RGS3: variants seen among roughly 807,000 people sequenced by gnomAD.
RGS3 encodes regulator of G protein signaling 3.
A neutral mutation model predicts 132.6 loss-of-function variants in RGS3; 80 were observed. That is an observed-to-expected ratio of 0.60 (90% confidence interval 0.50 to 0.73). The LOEUF (loss-of-function observed/expected upper bound fraction) is 0.73. Ranked by LOEUF, RGS3 falls within the 30% of genes least tolerant of loss-of-function variation. The pLI is 0.00. For missense variants in RGS3, 1,382 were observed against 1,530.8 expected, an observed-to-expected ratio of 0.90 and a Z score of 1.62; for synonymous variants, 598 against 620.6, an observed-to-expected ratio of 0.96 and a Z score of 0.54.
At chr9:113,585,387 C>T (rs1835067178) in intron 20 of RGS3, among the ~76,000 whole-genome samples, 1 of 152,268 alleles carries the variant, frequency 6.6e-6, no homozygotes. Flanking sequence ...TGCCTGATAA[C>T]ACTAGCCGCT....
chr9:113,498,036 A>C lies in RGS3; in HGVS notation c.853A>C (p.Arg285=), dbSNP rs755577560. The C allele has an allele frequency of 1.4e-5, 23 of 1,614,072 alleles. 1 individual carries two copies. In the Middle Eastern group the frequency reaches 1.3e-3, roughly 93 times the overall value. ...CTGTCACCTTCCAGACCCGCTGCTG[A>C]GAATGCCAGGAGGTGGGGACACTGA... Residue 285 remains arginine (R), a synonymous_variant, in exon 10 of 25, where the codon AGA becomes CGA. Transcript: ENST00000350696.
At chr9:113,491,068 A>G (rs1342499318) in intron 7 of RGS3, among the ~76,000 whole-genome samples, 4 of 139,606 alleles carry the variant, frequency 2.9e-5, no homozygotes, top group African/African-American at 1.1e-4. Flanking sequence ...ATAATTATAT[A>G]TTGGTATATA....
chr9:113,544,906 G>T (rs940846005), intron 19 of RGS3, among the ~76,000 whole-genome samples: 1 of 152,226 alleles, frequency 6.6e-6, no homozygotes, highest in Non-Finnish European at 1.5e-5. Flanking sequence ...CATGTCAGAA[G>T]CTGTGGCCCA....
At position 113,504,189 on chromosome 9, in the gene RGS3, C is replaced by G. The variant is rs554903192; in HGVS notation, c.898-1253C>G. Among the ~76,000 whole-genome samples, 7 of 152,238 alleles carry G rather than the reference C, an allele frequency of 4.6e-5. No individual in the cohort carries two copies. In the South Asian group the frequency reaches 1.5e-3, roughly 32 times the overall value. ...GAATGAGTGCAGGTGCCTAGTCTTG[C>G]AGGGACAACCCTCAAAGGAAGGAGA... On this transcript the variant is annotated intron_variant, in intron 10 of 24. Coordinates refer to ENST00000350696, the Ensembl canonical transcript of RGS3.
intron 3 of RGS3, among the ~76,000 whole-genome samples, chr9:113,473,299 G>A (rs537428809): frequency 1.5e-4 from 23 of 152,320 alleles, no homozygotes; most frequent in African/African-American, 5.5e-4. Flanking sequence ...GGTATAGAGA[G>A]GCTAACAGTG....
chr9:113,462,128 G>T, exon 3 of RGS3: 2 of 1,614,146 alleles, frequency 1.2e-6, no homozygotes, highest in Non-Finnish European at 1.7e-6. Context: ...ATATCGCTCT[G>T]CCCAGAAGAG....
At chr9:113,474,725 C>G (rs145889799) in intron 3 of RGS3, among the ~76,000 whole-genome samples, 2 of 152,268 alleles carry the variant, frequency 1.3e-5, no homozygotes, top group African/African-American at 4.8e-5. Flanking sequence ...TGTGACAGTT[C>G]TTAAATGGGC....
At chr9:113,461,898 C>T in intron 2 of RGS3, 2 of 1,604,054 alleles carry the variant, frequency 1.2e-6, no homozygotes, top group South Asian at 1.1e-5. Flanking sequence ...TCCCTTTTCC[C>T]TGTGGGCCTT....
intron 19 of RGS3, among the ~76,000 whole-genome samples, chr9:113,547,690 G>A (rs1238949341): frequency 2.0e-5 from 3 of 152,130 alleles, no homozygotes; most frequent in South Asian, 2.1e-4. Flanking sequence ...GCTAATTTCC[G>A]CGTGGAATTT....
Position 113,464,000 on chromosome 9 carries a change from A to G in RGS3, c.415+1799A>G, listed in dbSNP as rs1829547822. ...GCAGGTGCTCTTTCTATCTAGGGGC[A>G]CCTTCTCTGGCCCCTTTCTCCTGTG... On this transcript the variant is annotated intron_variant, in intron 3 of 24. Transcript: ENST00000350696. The surrounding 1 kb of genome is among the most constrained non-coding windows in gnomAD (Gnocchi z 4.6). 2.9e-6 allele frequency: 3 copies of G among 1,023,052 alleles called. No homozygotes were observed. Among genetic ancestry groups the G allele is most frequent in the Non-Finnish European group, 4.3e-6 (3 of 699,164 alleles). The allele number at this position is 1,023,052 out of a possible 1,614,324, so 63.4% of individuals were successfully genotyped here. A position where few individuals can be genotyped will look rare whatever the true frequency, so the allele number is the denominator to read the frequency against.
In RGS3 at chr9:113,507,908, C is replaced by A. The variant is rs1234327902; in HGVS notation, c.1437+270C>A. 6.6e-6 allele frequency among the ~76,000 whole-genome samples: 1 copy of A among 152,160 alleles called. No individual in the cohort carries two copies. On this transcript the variant is annotated intron_variant, in intron 13 of 24. Transcript: ENST00000350696. This position sits in a 1 kb window ranked among gnomAD's most constrained non-coding sequence, Gnocchi z 5.0. ...CACAGAAGGAAGAGCTTTCTACTAG[C>A]CTGTGCTTTTCCCCAGTGGAATGGG...
intron 19 of RGS3, among the ~76,000 whole-genome samples, chr9:113,546,419 T>C (rs1410109452): frequency 6.6e-6 from 1 of 152,242 alleles, no homozygotes; most frequent in Non-Finnish European, 1.5e-5. Flanking sequence ...GTAGATGTTA[T>C]ATTTTATTTG....
At chr9:113,528,546 C>A (rs55805468) in intron 17 of RGS3, among the ~76,000 whole-genome samples, 1 of 152,182 alleles carries the variant, frequency 6.6e-6, no homozygotes, top group Non-Finnish European at 1.5e-5. Flanking sequence ...AATCACCTTC[C>A]CTCGGCGTTG....
chr9:113,583,525 C>T, exon 20 of RGS3: 1 of 1,614,202 alleles, frequency 6.2e-7, no homozygotes, highest in South Asian at 1.1e-5. Context: ...CGAGGATTCC[C>T]CACCCAGCAA....
chr9:113,586,878 T>C (rs2119003591), intron 20 of RGS3, among the ~76,000 whole-genome samples: 1 of 152,300 alleles, frequency 6.6e-6, no homozygotes. Context: ...GAAAATTAAA[T>C]AGCTTAACAC....
At chr9:113,509,376 G>A (rs1196127833) in intron 14 of RGS3, among the ~76,000 whole-genome samples, 1 of 152,118 alleles carries the variant, frequency 6.6e-6, no homozygotes, top group African/African-American at 2.4e-5. Context: ...GGTTGTTGGG[G>A]GGATCCCATG....
At chr9:113,501,889 A>G (rs77460990) in intron 10 of RGS3, among the ~76,000 whole-genome samples, 3 of 152,152 alleles carry the variant, frequency 2.0e-5, no homozygotes, top group East Asian at 3.9e-4. Context: ...TGTTCTTTTT[A>G]TCTGGGGAGG....
chr9:113,447,048 T>G (rs1362279523), intron 1 of RGS3, among the ~76,000 whole-genome samples: 2 of 151,402 alleles, frequency 1.3e-5, no homozygotes, highest in African/African-American at 4.9e-5. Context: ...GATCACGAGG[T>G]CAGGAGATCG....
intron 19 of RGS3, among the ~76,000 whole-genome samples, chr9:113,580,321 T>G (rs997137333): frequency 1.3e-5 from 2 of 152,228 alleles, no homozygotes; most frequent in Non-Finnish European, 2.9e-5. Context: ...GCAGGAGATA[T>G]GAGTTCTAAT....
Sources: gnomAD v4.1 joint callset for allele counts (sites outside exome capture counted in the v4.1 genomes callset) on GRCh38, gnomAD v4.1.1 for gene constraint, Gnocchi (gnomAD v3.1) non-coding constraint, MANE v1.5 for transcripts, NCBI Gene and HGNC (gene_info 2026-07-23, HGNC 2026-07-21) for gene names.